Variants in ITPR1 observed in about 807,000 individuals in gnomAD.
ITPR1 encodes inositol 1,4,5-trisphosphate receptor type 1.
Under a neutral mutation model 318.4 loss-of-function variants are expected in ITPR1, and 96 were observed. The ratio of observed to expected loss-of-function variants is 0.30; its 90% CI spans 0.26 to 0.36. The LOEUF (loss-of-function observed/expected upper bound fraction) is 0.36. Among genes scored for constraint, ITPR1 ranks in the 10% least tolerant of loss-of-function variants. The probability of loss-of-function intolerance (pLI) is 1.00; values close to 1 mark genes in which losing one functional copy is unlikely to be tolerated. For synonymous variants in ITPR1, 1,312 were observed against 1,289.9 expected (o/e 1.02, Z -0.37); for missense variants, 2,440 against 3,460.2 (o/e 0.71, Z 7.40).
At chr3:4,501,263 G>C (rs1049540241) in intron 2 of ITPR1, among the ~76,000 whole-genome samples, 2 of 151,820 alleles carry the variant, frequency 1.3e-5, no homozygotes, top group African/African-American at 4.8e-5. Context: ...AAAATTCTTT[G>C]TCTCACATAC....
At chr3:4,641,695 G>A (rs1445162949) in intron 6 of ITPR1, among the ~76,000 whole-genome samples, 8 of 152,176 alleles carry the variant, frequency 5.3e-5, no homozygotes, top group Non-Finnish European at 7.3e-5. Context: ...TTTTTAAACT[G>A]TTGCCTGTGC....
chr3:4,584,246 C>G (rs1216328592), intron 4 of ITPR1, among the ~76,000 whole-genome samples: 1 of 152,136 alleles, frequency 6.6e-6, no homozygotes, highest in Non-Finnish European at 1.5e-5. Context: ...CCACCTCACC[C>G]CCTTCTTGTC....
chr3:4,626,415 T>C (rs531666046), intron 4 of ITPR1, among the ~76,000 whole-genome samples: 2 of 152,178 alleles, frequency 1.3e-5, no homozygotes, highest in African/African-American at 4.8e-5. Flanking sequence ...TTTTAAGTGG[T>C]TTTAGTTATG....
intron 61 of ITPR1, 68 bp downstream of exon 61, chr3:4,837,003 C>A: frequency 7.5e-7 from 1 of 1,339,422 alleles, no homozygotes; most frequent in Non-Finnish European, 1.0e-6. Flanking sequence ...TATCACCACA[C>A]CAAATCTGAT....
Position 4,627,880 on chromosome 3 carries a change from T to C in ITPR1, c.279+2T>C. 1 of 1,597,974 alleles carries C rather than the reference T, an allele frequency of 6.3e-7. No individual in the cohort carries two copies. Among genetic ancestry groups the C allele is most frequent in the Non-Finnish European group, 8.6e-7 (1 of 1,166,704 alleles). On this transcript the variant is annotated splice_donor_variant, in intron 5 of 61. Transcript: ENST00000649015. LOFTEE classifies it high-confidence loss of function. ...GCAGTGCTACTCAACAAACTGCACG[T>C]ACGTATTGCCATGGGGCTGTCGATG...
In ITPR1 at chr3:4,800,592, G is replaced by A. The variant is rs201144431; in HGVS notation, c.7099G>A (p.Ala2367Thr). 1,252 of 1,613,712 alleles carry A rather than the reference G, an allele frequency of 7.8e-4. 1 individual carries two copies. The highest frequency in any genetic ancestry group is 9.2e-4 in the Non-Finnish European group (1,082 of 1,179,764). ...ACAACCCACGTTGTTTCTTCTGGGC[G>A]CTTTCAATGTAAGTGTGAATACCTT... The part of the protein sequence containing the change: ...GLQPTLFLLG[A>T]FNVCNKIIFL... Residue 2367 changes from alanine (A) to threonine (T), a missense_variant, in exon 54 of 62, where the codon GCT becomes ACT. By Grantham distance (58) the Ala-to-Thr change is moderately conservative. Around this residue, in one of 23 missense-constraint regions of ITPR1, gnomAD observed 126 missense variants for 150.8 expected, o/e 0.84. Coordinates refer to ENST00000649015, the MANE Select transcript of ITPR1 (RefSeq NM_001378452.1).
At chr3:4,538,449 G>A (rs1268635569) in intron 4 of ITPR1, among the ~76,000 whole-genome samples, 1 of 152,156 alleles carries the variant, frequency 6.6e-6, no homozygotes, top group Non-Finnish European at 1.5e-5. Flanking sequence ...CTGTTGGTGG[G>A]AATGTAAATT....
intron 30 of ITPR1, among the ~76,000 whole-genome samples, chr3:4,686,093 T>C (rs2094389316): frequency 6.6e-6 from 1 of 152,146 alleles, no homozygotes; most frequent in Non-Finnish European, 1.5e-5. Flanking sequence ...GTGGATGAGA[T>C]GGGTGGTGCT....
At position 4,530,462 on chromosome 3, in the gene ITPR1, A is replaced by C. The variant is rs144688441; in HGVS notation, c.163+9368A>C. Among the ~76,000 whole-genome samples, 817 of 152,302 alleles carry C rather than the reference A, an allele frequency of 5.4e-3. 23 individuals are homozygous for C. Among genetic ancestry groups the C allele is most frequent in the Admixed American group, 0.035 (540 of 15,300 alleles). ...TAACGCTGCCCTGTAATCTTGCTCC[A>C]AACTACCTGAGCCTGTTACTCTTGA... On this transcript the variant is annotated intron_variant, in intron 4 of 61. Transcript: ENST00000649015.
chr3:4,618,073 A>G (rs1255746675), intron 4 of ITPR1, among the ~76,000 whole-genome samples: 2 of 152,078 alleles, frequency 1.3e-5, no homozygotes, highest in African/African-American at 2.4e-5. Flanking sequence ...GGGGGTAATT[A>G]ACTGCTTAAT....
At chr3:4,686,465 G>C (rs1228210864) in intron 30 of ITPR1, among the ~76,000 whole-genome samples, 1 of 152,202 alleles carries the variant, frequency 6.6e-6, no homozygotes, top group Non-Finnish European at 1.5e-5. Context: ...ACTTCCTTGT[G>C]TGTAAGGAAC....
intron 10 of ITPR1, among the ~76,000 whole-genome samples, chr3:4,651,668 C>G (rs1433969794): frequency 6.6e-6 from 1 of 152,208 alleles, no homozygotes; most frequent in South Asian, 2.1e-4. Context: ...TGGCCAGAAG[C>G]TGATGTGACA....
rs558425204 is a variant in ITPR1 at position 4,728,536 on chromosome 3, ACAT to A, written c.5220+1367_5220+1369del. ...CACAGGCACACAATGTGAAATACACACATCATGGAGAATGGGGTATCCATCCCC... is the reference window on the plus strand; with the variant it reads ...CACAGGCACACAATGTGAAATACACACATGGAGAATGGGGTATCCATCCCC... On this transcript the variant is annotated intron_variant, in intron 42 of 61. Transcript: ENST00000649015. 8.7e-3 allele frequency among the ~76,000 whole-genome samples: 1,322 copies of A among 152,362 alleles called. 6 individuals carry two copies. The highest frequency in any genetic ancestry group is 0.012 in the Non-Finnish European group (829 of 68,030).
intron 3 of ITPR1, 127 bp from the exon 4 acceptor site, chr3:4,520,897 T>C: frequency 1.4e-6 from 1 of 727,426 alleles, no homozygotes. Flanking sequence ...GTGTAAAGAG[T>C]TCCTGGCAGG....
At position 4,691,273 on chromosome 3, in the gene ITPR1, A is replaced by G. The variant is rs2094475195; in HGVS notation, c.3958A>G (p.Lys1320Glu). Residue 1320 changes from lysine to glutamate, a missense_variant, in exon 32 of 62, where the codon AAG becomes GAG. Transcript: ENST00000649015. Reference protein sequence around the residue: ...ETHGRNVQYIKFLQTIVKAEG... With the variant: ...ETHGRNVQYIEFLQTIVKAEG... ...TCACGGTCGGAATGTCCAGTATATA[A>G]AGTTCTTACAGACAATTGTCAAGGC... 1 of 1,613,376 alleles carries G rather than the reference A, an allele frequency of 6.2e-7. No individual in the cohort carries two copies. Among genetic ancestry groups the G allele is most frequent in the African/African-American group, 1.3e-5 (1 of 74,928 alleles).
chr3:4,585,902 A>AC (rs1427310395), intron 4 of ITPR1, among the ~76,000 whole-genome samples: 1 of 151,902 alleles, frequency 6.6e-6, no homozygotes, highest in African/African-American at 2.4e-5. Context: ...TATTTCTCCT[A>AC]ATGTTACCCC....
At chr3:4,712,894 C>G (rs139527540) in intron 39 of ITPR1, among the ~76,000 whole-genome samples, 4 of 152,210 alleles carry the variant, frequency 2.6e-5, no homozygotes, top group Non-Finnish European at 4.4e-5. Context: ...ATGTCCATTA[C>G]ATTTTTTAGA....
At chr3:4,522,522 G>A (rs1055872440) in intron 4 of ITPR1, among the ~76,000 whole-genome samples, 1 of 152,166 alleles carries the variant, frequency 6.6e-6, no homozygotes, top group Non-Finnish European at 1.5e-5. Context: ...GATGGGTGGT[G>A]GTAGGGGAGG....
At chr3:4,618,214 G>GA (rs1559546394) in intron 4 of ITPR1, among the ~76,000 whole-genome samples, 1 of 152,074 alleles carries the variant, frequency 6.6e-6, no homozygotes, top group Non-Finnish European at 1.5e-5. Flanking sequence ...TATATTATGT[G>GA]AATTTCACCA....
Sources: allele counts gnomAD v4.1 joint callset (sites outside exome capture counted in the v4.1 genomes callset), GRCh38; gene constraint gnomAD v4.1.1; regional missense constraint gnomAD v4.1.1; transcripts MANE v1.5; gene names NCBI Gene and HGNC (gene_info 2026-07-23, HGNC 2026-07-21).